Variants in ARMC9 observed in about 807,000 individuals in gnomAD.
ARMC9 encodes the protein armadillo repeat containing 9.
ARMC9 carries 94 observed loss-of-function variants against 107.0 expected under a neutral mutation model. The observed-to-expected ratio is 0.88, with a 90% CI of 0.74 to 1.04. The LOEUF is 1.04. Among genes scored for constraint, ARMC9 ranks in the 50% least tolerant of loss-of-function variants. The probability of loss-of-function intolerance (pLI) is 0.00; values close to 1 mark genes in which losing one functional copy is unlikely to be tolerated. For synonymous variants in ARMC9, 380 were observed against 396.9 expected (o/e 0.96, Z 0.51); for missense variants, 942 against 1,030.1 (o/e 0.91, Z 1.17).
chr2:231,320,788 G>A lies in ARMC9; in HGVS notation c.1774-11005G>A, dbSNP rs143182655. Among the ~76,000 whole-genome samples, 14 of 152,266 alleles carry A rather than the reference G, an allele frequency of 9.2e-5. No individual in the cohort carries two copies. The East Asian group carries it at 2.7e-3, about 29-fold the overall frequency. On this transcript the variant is annotated intron_variant, in intron 19 of 24. Transcript: ENST00000611582. Reference sequence around the variant, plus strand: ...AGGTATTGGATCACATCCTTGTCTTGTATCATGTGTGCATTTGATCAGCAT... The same window carrying A: ...AGGTATTGGATCACATCCTTGTCTTATATCATGTGTGCATTTGATCAGCAT...
chr2:231,275,472 A>C (rs2039679312), intron 14 of ARMC9, among the ~76,000 whole-genome samples: 1 of 152,206 alleles, frequency 6.6e-6, no homozygotes, highest in Non-Finnish European at 1.5e-5. Flanking sequence ...ATTTTGTAAG[A>C]TTCTACACCT....
chr2:231,265,731 G>T (rs934925297), intron 12 of ARMC9, among the ~76,000 whole-genome samples: 2 of 151,906 alleles, frequency 1.3e-5, no homozygotes, highest in African/African-American at 4.8e-5. Flanking sequence ...AATAGGCCAG[G>T]TGTGGTGGTT....
intron 8 of ARMC9, among the ~76,000 whole-genome samples, chr2:231,236,147 CA>C (rs1310466234): frequency 6.6e-6 from 1 of 151,860 alleles, no homozygotes; most frequent in Non-Finnish European, 1.5e-5. Flanking sequence ...TATGTGCTAG[CA>C]AAAAAATGAG....
At chr2:231,306,221 G>A (rs1575022327) in intron 19 of ARMC9, among the ~76,000 whole-genome samples, 1 of 152,200 alleles carries the variant, frequency 6.6e-6, no homozygotes, top group East Asian at 1.9e-4. Flanking sequence ...CACTAGTTGG[G>A]ATTTTGATTG....
At chr2:231,303,937 A>G (rs535364644) in intron 19 of ARMC9, among the ~76,000 whole-genome samples, 11 of 151,018 alleles carry the variant, frequency 7.3e-5, no homozygotes, top group African/African-American at 2.4e-4. Context: ...CTCAGTCTCA[A>G]AAAAATAATT....
At chr2:231,292,253 T>C (rs182571417) in intron 18 of ARMC9, among the ~76,000 whole-genome samples, 1 of 151,656 alleles carries the variant, frequency 6.6e-6, no homozygotes, top group East Asian at 1.9e-4. Flanking sequence ...TCTAGGCATA[T>C]AGTCAACAAA....
chr2:231,232,568 C>T (rs2035333203), intron 7 of ARMC9, among the ~76,000 whole-genome samples: 1 of 151,596 alleles, frequency 6.6e-6, no homozygotes. Flanking sequence ...TCTCCTGTGT[C>T]AGCCTCCCAA....
intron 19 of ARMC9, among the ~76,000 whole-genome samples, chr2:231,315,714 ATTGTT>A (rs1378755373): frequency 7.8e-5 from 11 of 140,640 alleles, no homozygotes; most frequent in East Asian, 4.1e-4. Context: ...CTTTTTCAAA[ATTGTT>A]TTGTTTAATA....
At position 231,282,127 on chromosome 2, in the gene ARMC9, A is replaced by G. The variant is rs1188873445; in HGVS notation, c.1620A>G (p.Arg540=). 6.2e-7 allele frequency: 1 copy of G among 1,614,008 alleles called. No individual in the cohort carries two copies. The highest frequency in any genetic ancestry group is 2.2e-5 in the East Asian group (1 of 44,898). The change falls in exon 17 of 25, where the codon AGA becomes AGG. Residue 540 remains arginine, a synonymous_variant. Coordinates refer to ENST00000611582, the MANE Select transcript of ARMC9 (RefSeq NM_001352754.2). ...TTCCATCCATTCGTGAGGAAGCAAG[A>G]GCAATGGTAAGAAAGCGTGCCTGAG... The part of the protein sequence containing the change: ...LSVPSIREEA[R]AMGMEDILRC...
rs567068242 is a variant in ARMC9, at chr2:231,262,377, G to A, written c.1098G>A (p.Leu366=). The A allele has an allele frequency of 2.5e-6, 4 of 1,614,122 alleles. No homozygotes were observed. In the East Asian group the frequency reaches 6.7e-5, roughly 27 times the overall value. Residue 366 remains leucine, a synonymous_variant, in exon 12 of 25, where the codon TTG becomes TTA. Transcript: ENST00000611582. ...VLQAYISNDL[L]DCYSHNQRSV... ...AAGCCTACATCAGCAATGACCTCTTGGACTGTTATAGCCACAACCAGGTTG... is the reference window on the plus strand; with the variant it reads ...AAGCCTACATCAGCAATGACCTCTTAGACTGTTATAGCCACAACCAGGTTG...
intron 19 of ARMC9, among the ~76,000 whole-genome samples, chr2:231,314,743 A>G (rs1014182503): frequency 5.9e-5 from 9 of 152,252 alleles, no homozygotes; most frequent in Non-Finnish European, 1.3e-4. Context: ...CCAACATTGC[A>G]AAGATTTTCT....
intron 20 of ARMC9, among the ~76,000 whole-genome samples, chr2:231,335,623 C>T (rs2044035344): frequency 6.6e-6 from 1 of 152,184 alleles, no homozygotes; most frequent in East Asian, 1.9e-4. Flanking sequence ...GCGATGGCCC[C>T]ATGAGATGTG....
rs576254878 is a variant in ARMC9, at chr2:231,372,842, G to T, written c.*1307G>T. 1.3e-5 allele frequency: 2 copies of T among 152,222 alleles called. No homozygotes were observed. The highest frequency in any genetic ancestry group is 3.9e-4 in the East Asian group (2 of 5,172). The allele number at this position is 152,222 out of a possible 1,614,324, so 9.4% of individuals were successfully genotyped here. On this transcript the variant is annotated 3_prime_UTR_variant, in exon 25 of 25. Transcript: ENST00000611582. ...ATCTGCCCACAGACCCTTCAATGGG[G>T]ACATCTCTGGTCCCAATGGTCGTAA...
intron 12 of ARMC9, among the ~76,000 whole-genome samples, chr2:231,263,331 G>A (rs893427977): frequency 6.6e-6 from 1 of 152,114 alleles, no homozygotes; most frequent in Non-Finnish European, 1.5e-5. Context: ...ACAATCCAAG[G>A]GTATTGTGCT....
In ARMC9 at chr2:231,371,609, C is replaced by T. The variant is rs566817365; in HGVS notation, c.*74C>T. ...CCCGCTCTCAGCTGGCAGCAGCTGC[C>T]GGTGATGGATGTGAAGGGACAGTTG... On this transcript the variant is annotated 3_prime_UTR_variant, in exon 25 of 25. Coordinates refer to ENST00000611582, the MANE Select transcript of ARMC9 (RefSeq NM_001352754.2). 7 of 1,198,884 alleles carry T rather than the reference C, an allele frequency of 5.8e-6. No individual in the cohort carries two copies. In the South Asian group the frequency reaches 1.3e-4, roughly 22 times the overall value. 74.3% of individuals were successfully genotyped at this position (1,198,884 alleles called of 1,614,324 possible).
At chr2:231,321,049 G>A (rs2042968932) in intron 19 of ARMC9, among the ~76,000 whole-genome samples, 1 of 152,176 alleles carries the variant, frequency 6.6e-6, no homozygotes, top group Non-Finnish European at 1.5e-5. Flanking sequence ...TGGGCAAGCT[G>A]GTGAACCTCA....
chr2:231,303,069 T>C (rs1309623577), intron 19 of ARMC9, among the ~76,000 whole-genome samples: 1 of 152,254 alleles, frequency 6.6e-6, no homozygotes, highest in Non-Finnish European at 1.5e-5. Flanking sequence ...TGATCTATTT[T>C]GCATTTTGTT....
chr2:231,354,734 G>T (rs2045264868), intron 21 of ARMC9, among the ~76,000 whole-genome samples: 1 of 152,186 alleles, frequency 6.6e-6, no homozygotes, highest in Non-Finnish European at 1.5e-5. Flanking sequence ...CCAGCCCTAG[G>T]CAGGCATGAG....
At chr2:231,330,223 T>C (rs903543317) in intron 19 of ARMC9, among the ~76,000 whole-genome samples, 5 of 110,368 alleles carry the variant, frequency 4.5e-5, no homozygotes, top group Admixed American at 3.6e-4. Flanking sequence ...AATTTTCTTT[T>C]TCTTTCTTTT....
Sources: gnomAD v4.1 joint callset for allele counts (sites outside exome capture counted in the v4.1 genomes callset) on GRCh38, gnomAD v4.1.1 for gene constraint, MANE v1.5 for transcripts, NCBI Gene and HGNC (gene_info 2026-07-23, HGNC 2026-07-21) for gene names.